CECR2: variants seen among roughly 807,000 people sequenced by gnomAD.
CECR2 encodes chromatin remodeling regulator CECR2.
In CECR2, 30 loss-of-function variants were observed where a neutral mutation model predicts 154.5. The observed-to-expected ratio is 0.19, with a 90% CI of 0.15 to 0.26. The LOEUF is 0.26. CECR2 is among the 10% of genes least tolerant of loss of function. The pLI, the probability that CECR2 is intolerant of heterozygous loss-of-function variation, is 1.00. For synonymous variants in CECR2, 725 were observed against 683.7 expected (o/e 1.06, Z -0.94); for missense variants, 1,743 against 1,829.3 (o/e 0.95, Z 0.86).
At chr22:17,396,772 T>C (rs533790697) in intron 1 of CECR2, among the ~76,000 whole-genome samples, 1 of 151,966 alleles carries the variant, frequency 6.6e-6, no homozygotes, top group Non-Finnish European at 1.5e-5. Flanking sequence ...CTCTGCAGAG[T>C]AGAAAGATCA....
upstream of CECR2, among the ~76,000 whole-genome samples, chr22:17,367,697 G>C (rs1601228163): frequency 6.6e-6 from 1 of 151,234 alleles, no homozygotes; most frequent in Non-Finnish European, 1.5e-5. Flanking sequence ...AACTCACACA[G>C]AGGAAAAAGT....
At chr22:17,498,786 C>CAAA (rs397711429) in intron 3 of CECR2, among the ~76,000 whole-genome samples, 68 of 151,260 alleles carry the variant, frequency 4.5e-4, no homozygotes, top group Non-Finnish European at 8.6e-4. Context: ...CATAAAACAA[C>CAAA]CGCTCCCAGC....
At chr22:17,393,765 C>T (rs571094924) in intron 1 of CECR2, among the ~76,000 whole-genome samples, 1 of 152,182 alleles carries the variant, frequency 6.6e-6, no homozygotes, top group East Asian at 1.9e-4. Context: ...TGTTGAGCAC[C>T]TTTTCATGTG....
intron 2 of CECR2, among the ~76,000 whole-genome samples, chr22:17,484,246 T>C (rs573802354): frequency 2.6e-5 from 4 of 152,174 alleles, no homozygotes; most frequent in Non-Finnish European, 5.9e-5. Context: ...CTGGAGTGCA[T>C]TCGACCAATC....
At chr22:17,387,739 C>T (rs1050080571) in intron 1 of CECR2, among the ~76,000 whole-genome samples, 3 of 152,162 alleles carry the variant, frequency 2.0e-5, no homozygotes, top group Non-Finnish European at 2.9e-5. Context: ...AATCACAGCA[C>T]GCCATGATTT....
In CECR2 at chr22:17,551,905, T is replaced by G. The variant is rs1166880732; in HGVS notation, c.4278-126T>G. On this transcript the variant is annotated intron_variant, in intron 17 of 18. Coordinates refer to ENST00000262608, the MANE Select transcript of CECR2 (RefSeq NM_001290047.2). The stretch of plus-strand genomic sequence containing the variant: ...GGCACAGAATGTCGAGTTGTCCCAG[T>G]ATGGATGATTCCAGGCCTGATCACC... 5.9e-6 allele frequency: 5 copies of G among 841,968 alleles called. No homozygotes were observed. The Admixed American group carries it at 1.1e-4, about 18-fold the overall frequency. The allele number at this position is 841,968 out of a possible 1,614,324, so 52.2% of individuals were successfully genotyped here. A position where few individuals can be genotyped will look rare whatever the true frequency, so the allele number is the denominator to read the frequency against.
At chr22:17,411,119 G>A (rs1038309264) in intron 1 of CECR2, among the ~76,000 whole-genome samples, 2 of 152,176 alleles carry the variant, frequency 1.3e-5, no homozygotes, top group African/African-American at 4.8e-5. Context: ...ATGACTGGCC[G>A]TGTATTATAT....
intron 1 of CECR2, among the ~76,000 whole-genome samples, chr22:17,396,228 G>A (rs539675683): frequency 3.0e-4 from 42 of 141,466 alleles, no homozygotes; most frequent in Non-Finnish European, 5.3e-4. Flanking sequence ...GGCGACAAGA[G>A]TGAGACCCTT....
Position 17,526,375 on chromosome 22 carries a change from A to C in CECR2, c.1108+2104A>C, listed in dbSNP as rs955246661. 6.6e-5 allele frequency among the ~76,000 whole-genome samples: 10 copies of C among 152,342 alleles called. 1 individual carries two copies. The South Asian group carries it at 2.1e-3, about 32-fold the overall frequency. ...CACACGTACAGCGAACTCATTTTCA[A>C]CACACGTGCTAAGAACATACACTGG... On this transcript the variant is annotated intron_variant, in intron 9 of 18. Transcript: ENST00000262608.
chr22:17,410,435 C>T (rs1010233419), intron 1 of CECR2, among the ~76,000 whole-genome samples: 4 of 151,678 alleles, frequency 2.6e-5, no homozygotes, highest in Non-Finnish European at 4.4e-5. Context: ...TAAAAACAAG[C>T]GTTTTTTTGT....
chr22:17,380,780 T>A lies in CECR2; in HGVS notation c.126+10871T>A, dbSNP rs563047671. 6.0e-4 allele frequency among the ~76,000 whole-genome samples: 91 copies of A among 152,348 alleles called. 4 individuals are homozygous for A. In the South Asian group the frequency reaches 0.018, roughly 31 times the overall value. ...TAATTCCTGAGAATGGATAAGTTCT[T>A]AGAATTGAAAAATGCTGTTCAGCAG... is the stretch of plus-strand genomic sequence containing the variant. On this transcript the variant is annotated intron_variant, in intron 1 of 18. Coordinates refer to ENST00000262608, the MANE Select transcript of CECR2 (RefSeq NM_001290047.2).
intron 9 of CECR2, chr22:17,534,677 T>C (rs13058294): frequency 1.5e-5 from 2 of 135,250 alleles, no homozygotes; most frequent in Non-Finnish European, 3.2e-5. Flanking sequence ...CTGGCTAATT[T>C]TTTTTTCTTT....
intron 1 of CECR2, among the ~76,000 whole-genome samples, chr22:17,443,367 T>C (rs2054611982): frequency 6.6e-6 from 1 of 152,178 alleles, no homozygotes. Context: ...TTACATAGTT[T>C]TATTATCTGT....
chr22:17,525,603 C>A (rs2056251143), intron 9 of CECR2, among the ~76,000 whole-genome samples: 1 of 152,124 alleles, frequency 6.6e-6, no homozygotes. Context: ...AAGACTCTGT[C>A]TCAATAAAAA....
chr22:17,533,663 T>C (rs572200624), intron 9 of CECR2, among the ~76,000 whole-genome samples: 1 of 152,092 alleles, frequency 6.6e-6, no homozygotes, highest in South Asian at 2.1e-4. Flanking sequence ...CTCAACACAC[T>C]GTTCCTAAAA....
chr22:17,364,535 C>T (rs183025460), upstream of CECR2, among the ~76,000 whole-genome samples: 32 of 151,962 alleles, frequency 2.1e-4, no homozygotes, highest in East Asian at 3.3e-3. Context: ...AGAGAGGCAG[C>T]GCACAGTGGC....
rs1047870559 is a variant in CECR2 at position 17,491,567 on chromosome 22, C to CTG, written c.222-5821_222-5820dup. Among the ~76,000 whole-genome samples the CTG allele has an allele frequency of 2.9e-3, 192 of 65,946 alleles. 8 individuals carry two copies. The highest frequency in any genetic ancestry group is 5.5e-3 in the East Asian group (19 of 3,476). The allele number at this position is 65,946 out of a possible 152,430, so 43.3% of individuals were successfully genotyped here. ...TTATTTCCACTATTGGCTTCTTATT[C>CTG]TGTGTGTGTGTGTGTGGGGGGGTGG... On this transcript the variant is annotated intron_variant, in intron 2 of 18. Coordinates refer to ENST00000262608, the MANE Select transcript of CECR2 (RefSeq NM_001290047.2).
upstream of CECR2, among the ~76,000 whole-genome samples, chr22:17,368,673 G>GTCTT (rs2063018246): frequency 6.6e-6 from 1 of 152,098 alleles, no homozygotes; most frequent in African/African-American, 2.4e-5. Context: ...CCATCCCCCC[G>GTCTT]CCTTCCAAGC....
At chr22:17,375,960 T>TAA (rs879827682) in intron 1 of CECR2, among the ~76,000 whole-genome samples, 2 of 134,564 alleles carry the variant, frequency 1.5e-5, no homozygotes, top group South Asian at 4.7e-4. Flanking sequence ...GACTCTTATC[T>TAA]AAAAAAAAAA....
Sources: gnomAD v4.1 joint callset for allele counts (sites outside exome capture counted in the v4.1 genomes callset) on GRCh38, gnomAD v4.1.1 for gene constraint, MANE v1.5 for transcripts, NCBI Gene and HGNC (gene_info 2026-07-23, HGNC 2026-07-21) for gene names.